The following DLG2 variants were observed in gnomAD, a reference collection of about 807,000 sequenced individuals.
DLG2 encodes the protein disks large homolog 2.
DLG2 carries 45 observed loss-of-function variants against 132.5 expected under a neutral mutation model. The ratio of observed to expected loss-of-function variants is 0.34; its 90% confidence interval spans 0.27 to 0.44. The LOEUF is 0.44. Among genes scored for constraint, DLG2 ranks in the 20% least tolerant of loss-of-function variants. The pLI is 1.00. For missense variants in DLG2, 1,045 were observed against 1,196.9 expected, an observed-to-expected ratio of 0.87 and a Z score of 1.87; for synonymous variants, 424 against 419.6, an observed-to-expected ratio of 1.01 and a Z score of -0.13.
At chr11:84,289,248 G>A (rs893608201) in intron 7 of DLG2, among the ~76,000 whole-genome samples, 2 of 152,034 alleles carry the variant, frequency 1.3e-5, no homozygotes, top group African/African-American at 4.8e-5. Context: ...GGGAAACAAA[G>A]CACAGTCATT....
intron 7 of DLG2, among the ~76,000 whole-genome samples, chr11:84,432,672 A>G (rs2098988167): frequency 6.6e-6 from 1 of 152,142 alleles, no homozygotes; most frequent in South Asian, 2.1e-4. Flanking sequence ...GTTTTTGTTG[A>G]ATTAATGTGT....
chr11:84,545,364 G>C (rs2099387567), intron 6 of DLG2: 1 of 525,008 alleles, frequency 1.9e-6, no homozygotes, highest in African/African-American at 1.9e-5. Flanking sequence ...ATCCATTATA[G>C]CCATCCCACT....
intron 18 of DLG2, among the ~76,000 whole-genome samples, chr11:83,752,782 T>C (rs770429372): frequency 1.3e-5 from 2 of 152,196 alleles, no homozygotes; most frequent in African/African-American, 2.4e-5. Flanking sequence ...GCTGAATTAA[T>C]GTCACCTGGA....
chr11:84,534,544 A>G (rs1016686294), intron 7 of DLG2, 26 bp downstream of exon 7: 6 of 1,608,504 alleles, frequency 3.7e-6, no homozygotes, highest in Admixed American at 3.3e-5. Flanking sequence ...CACCAACTAT[A>G]AAGTCGGAAG....
intron 6 of DLG2, among the ~76,000 whole-genome samples, chr11:84,713,989 A>G (rs957306797): frequency 3.9e-5 from 6 of 152,106 alleles, no homozygotes; most frequent in African/African-American, 1.4e-4. Context: ...CATGATTACA[A>G]CTACACTTTT....
At chr11:84,762,807 G>C (rs1031152862) in intron 6 of DLG2, among the ~76,000 whole-genome samples, 1 of 152,140 alleles carries the variant, frequency 6.6e-6, no homozygotes, top group Admixed American at 6.6e-5. Context: ...CATTCACAGT[G>C]AGGATCTAAG....
chr11:85,425,250 C>T (rs935285499), intron 3 of DLG2, among the ~76,000 whole-genome samples: 1 of 152,002 alleles, frequency 6.6e-6, no homozygotes, highest in African/African-American at 2.4e-5. Context: ...ATAAACAACA[C>T]TAATACAAAA....
At chr11:83,877,766 T>A (rs2065138238) in intron 15 of DLG2, among the ~76,000 whole-genome samples, 1 of 152,186 alleles carries the variant, frequency 6.6e-6, no homozygotes, top group African/African-American at 2.4e-5. Context: ...TCAAGACCTG[T>A]GGACACAAAT....
At chr11:85,511,536 G>C (rs1366071600) in intron 3 of DLG2, among the ~76,000 whole-genome samples, 1 of 151,804 alleles carries the variant, frequency 6.6e-6, no homozygotes, top group South Asian at 2.1e-4. Context: ...TTGCCTCAGA[G>C]ACTGAACATC....
chr11:84,360,254 G>T (rs1354604573), intron 7 of DLG2, among the ~76,000 whole-genome samples: 2 of 151,628 alleles, frequency 1.3e-5, no homozygotes, highest in Non-Finnish European at 2.9e-5. Flanking sequence ...TGATTATAGG[G>T]GTAGAAGGCT....
intron 10 of DLG2, among the ~76,000 whole-genome samples, chr11:84,086,640 C>T (rs545978815): frequency 5.9e-5 from 9 of 151,976 alleles, no homozygotes; most frequent in Non-Finnish European, 1.3e-4. Context: ...CAGGCATGCA[C>T]CACCACACCT....
intron 3 of DLG2, among the ~76,000 whole-genome samples, chr11:85,292,030 T>C (rs1454169361): frequency 1.3e-5 from 2 of 152,182 alleles, no homozygotes; most frequent in Non-Finnish European, 2.9e-5. Flanking sequence ...GATCTTACTA[T>C]ATGTAATGAT....
intron 8 of DLG2, among the ~76,000 whole-genome samples, chr11:84,222,102 G>A (rs973502121): frequency 9.2e-5 from 14 of 151,616 alleles, no homozygotes; most frequent in Non-Finnish European, 1.9e-4. Flanking sequence ...GTGCGATCTC[G>A]GCTCACTGCA....
intron 3 of DLG2, among the ~76,000 whole-genome samples, chr11:85,493,284 A>G (rs936564264): frequency 1.3e-5 from 2 of 152,188 alleles, no homozygotes; most frequent in Non-Finnish European, 2.9e-5. Context: ...CAACTACACT[A>G]TACTCCAACC....
intron 18 of DLG2, among the ~76,000 whole-genome samples, chr11:83,675,397 T>C (rs759496020): frequency 6.6e-6 from 1 of 152,228 alleles, no homozygotes; most frequent in Non-Finnish European, 1.5e-5. Context: ...TATTTTTTAG[T>C]ATCACAAACA....
At chr11:85,245,497 C>T (rs1595671255) in intron 4 of DLG2, among the ~76,000 whole-genome samples, 1 of 152,058 alleles carries the variant, frequency 6.6e-6, no homozygotes, top group East Asian at 1.9e-4. Context: ...CTCACCACTT[C>T]CATCACTACC....
chr11:83,468,916 A>T (rs569993568), intron 25 of DLG2, among the ~76,000 whole-genome samples: 4 of 152,308 alleles, frequency 2.6e-5, no homozygotes, highest in South Asian at 4.1e-4. Flanking sequence ...CTAAAGTAGT[A>T]AACCTGCCTT....
rs2096468110 is a variant in DLG2 at position 83,554,319 on chromosome 11, G to A, written c.1941-12461C>T. Among the ~76,000 whole-genome samples, 4 of 152,318 alleles carry A rather than the reference G, an allele frequency of 2.6e-5. No individual in the cohort carries two copies. In the South Asian group the frequency reaches 8.3e-4, roughly 32 times the overall value. ...GTTTGGCAACAGGATAATGGAAAATGTTTGTAAGACTTGGGAACACTTGTT... is the reference window on the plus strand; with the variant it reads ...GTTTGGCAACAGGATAATGGAAAATATTTGTAAGACTTGGGAACACTTGTT... On this transcript the variant is annotated intron_variant, in intron 19 of 27. Transcript: ENST00000376104.
intron 7 of DLG2, among the ~76,000 whole-genome samples, chr11:84,460,054 T>C (rs2099076174): frequency 6.6e-6 from 1 of 150,710 alleles, no homozygotes; most frequent in African/African-American, 2.4e-5. Context: ...TTAGGTTTTC[T>C]GAGAAATTTT....
Sources: gnomAD v4.1 joint callset for allele counts (sites outside exome capture counted in the v4.1 genomes callset) on GRCh38, gnomAD v4.1.1 for gene constraint, MANE v1.5 for transcripts, NCBI Gene and HGNC (gene_info 2026-07-23, HGNC 2026-07-21) for gene names.